TMEM114: variants seen among roughly 807,000 people sequenced by gnomAD.
The protein encoded by TMEM114 is transmembrane protein 114.
TMEM114 carries 6 observed loss-of-function variants against 6.2 expected under a neutral mutation model. The ratio of observed to expected loss-of-function variants is 0.97; its 90% confidence interval spans 0.53 to 1.91. The LOEUF (loss-of-function observed/expected upper bound fraction) is 1.91, where lower values mean the gene tolerates loss of function less well. TMEM114 is among the 40% of genes most tolerant of loss of function. The pLI is 0.01. For synonymous variants in TMEM114, 104 were observed against 73.0 expected, an observed-to-expected ratio of 1.42 and a Z score of -2.16; for missense variants, 218 against 158.3, an observed-to-expected ratio of 1.38 and a Z score of -2.02.
intron 2 of TMEM114, among the ~76,000 whole-genome samples, chr16:8,575,053 T>C (rs1901872531): frequency 6.6e-6 from 1 of 152,206 alleles, no homozygotes; most frequent in African/African-American, 2.4e-5. Flanking sequence ...CCCTTTGGAA[T>C]GTGGATATGA....
downstream of TMEM114, among the ~76,000 whole-genome samples, chr16:8,533,647 T>C (rs771847695): frequency 2.0e-5 from 3 of 152,222 alleles, no homozygotes; most frequent in Non-Finnish European, 2.9e-5. Flanking sequence ...GAAGTACCAA[T>C]TGAGTGTTAC....
intron 2 of TMEM114, among the ~76,000 whole-genome samples, chr16:8,563,798 TGAGGGAGG>T (rs1901391634): frequency 3.1e-5 from 4 of 127,052 alleles, no homozygotes; most frequent in South Asian, 2.4e-4. Flanking sequence ...AGTAAATGAG[TGAGGGAGG>T]GAGGGAATGA....
chr16:8,550,202 C>A (rs1358107443), intron 2 of TMEM114, among the ~76,000 whole-genome samples: 1 of 152,214 alleles, frequency 6.6e-6, no homozygotes, highest in Non-Finnish European at 1.5e-5. Flanking sequence ...TGTTTACCCA[C>A]GTTGTGGGTG....
Position 8,548,902 on chromosome 16 carries a change from G to A in TMEM114, n.213-11076C>T, listed in dbSNP as rs544606785. ...GCCTGGGTTAAGAATGCATGATCTCGCCAGGCGCAGTGGCTCATGCCTGTA... is the reference window on the plus strand; with the variant it reads ...GCCTGGGTTAAGAATGCATGATCTCACCAGGCGCAGTGGCTCATGCCTGTA... On this transcript the variant is annotated intron_variant and non_coding_transcript_variant, in intron 2 of 2. Transcript: ENST00000623677. Among the ~76,000 whole-genome samples, 24 of 152,036 alleles carry A rather than the reference G, an allele frequency of 1.6e-4. No homozygotes were observed. The South Asian group carries it at 2.3e-3, about 14-fold the overall frequency.
intron 2 of TMEM114, among the ~76,000 whole-genome samples, chr16:8,542,584 G>A (rs918635141): frequency 6.6e-6 from 1 of 152,140 alleles, no homozygotes; most frequent in Non-Finnish European, 1.5e-5. Context: ...CAAATTCCTT[G>A]GCTTTATAAC....
At chr16:8,530,060 C>T in the TMEM114 span, among the ~76,000 whole-genome samples, 2 of 152,308 alleles carry the variant, frequency 1.3e-5, no homozygotes, top group African/African-American at 4.8e-5. Flanking sequence ...ATTTCCTGGT[C>T]CCAGTTGCCT....
chr16:8,581,441 G>C (rs181719862), intron 2 of TMEM114, among the ~76,000 whole-genome samples: 14 of 152,110 alleles, frequency 9.2e-5, no homozygotes, highest in Non-Finnish European at 2.1e-4. Flanking sequence ...TCACATGGCC[G>C]ATACTAAGAA....
rs574513758 is a variant in TMEM114, at chr16:8,541,825, T to C, written n.213-3999A>G. On this transcript the variant is annotated intron_variant and non_coding_transcript_variant, in intron 2 of 2. Transcript: ENST00000623677. Reference sequence around the variant, plus strand: ...GGGTTCCACTTGGGAACTGGGAAGATTCTAGAATTCTGCAGGGCCCAAGAG... The same window carrying C: ...GGGTTCCACTTGGGAACTGGGAAGACTCTAGAATTCTGCAGGGCCCAAGAG... Among the ~76,000 whole-genome samples the C allele has an allele frequency of 5.3e-5, 8 of 152,262 alleles. No individual in the cohort carries two copies. In the East Asian group the frequency reaches 1.5e-3, roughly 29 times the overall value.
chr16:8,561,335 C>T (rs764342195), intron 2 of TMEM114, among the ~76,000 whole-genome samples: 1 of 152,222 alleles, frequency 6.6e-6, no homozygotes, highest in Non-Finnish European at 1.5e-5. Flanking sequence ...ACATTATTTT[C>T]ATCGTACAAC....
chr16:8,536,091 GAC>G (rs1900349556), downstream of TMEM114, among the ~76,000 whole-genome samples: 1 of 152,032 alleles, frequency 6.6e-6, no homozygotes, highest in Admixed American at 6.6e-5. Flanking sequence ...TGGGTGTGGT[GAC>G]GTGCACCTGT....
downstream of TMEM114, chr16:8,569,357 G>C: frequency 4.4e-6 from 3 of 683,972 alleles, no homozygotes; most frequent in Non-Finnish European, 5.5e-6. Flanking sequence ...TCCCCAGAGA[G>C]AGCTGAACGC....
intron 2 of TMEM114, among the ~76,000 whole-genome samples, chr16:8,544,871 A>C (rs1567195318): frequency 6.6e-6 from 1 of 152,094 alleles, no homozygotes. Flanking sequence ...AGATATAAAT[A>C]AAATATGAAT....
intron 2 of TMEM114, among the ~76,000 whole-genome samples, chr16:8,544,497 G>C (rs1436659217): frequency 6.6e-6 from 1 of 152,220 alleles, no homozygotes. Context: ...TGAATTTTAA[G>C]AACGTCAAGT....
At chr16:8,573,915 T>C (rs561299800) in intron 2 of TMEM114, among the ~76,000 whole-genome samples, 1 of 152,260 alleles carries the variant, frequency 6.6e-6, no homozygotes, top group Admixed American at 6.6e-5. Flanking sequence ...CTGTGCACAA[T>C]TGTATCCCTG....
intron 2 of TMEM114, among the ~76,000 whole-genome samples, chr16:8,564,383 G>C (rs1399072523): frequency 1.3e-5 from 2 of 148,602 alleles, no homozygotes; most frequent in South Asian, 2.2e-4. Flanking sequence ...GTGAATGAGT[G>C]AGGGAATGAG....
chr16:8,555,645 T>C (rs79295853), intron 2 of TMEM114, among the ~76,000 whole-genome samples: 2,080 of 152,286 alleles, frequency 0.014, 45 homozygotes, highest in African/African-American at 0.048. Flanking sequence ...TATCTCACTA[T>C]TGTTTTCACG....
chr16:8,555,712 C>T (rs183657160), intron 2 of TMEM114, among the ~76,000 whole-genome samples: 1 of 152,286 alleles, frequency 6.6e-6, no homozygotes, highest in Admixed American at 6.5e-5. Context: ...ATCGTGTCTT[C>T]CAGGGGACAC....
chr16:8,533,483 C>T (rs1900273360), downstream of TMEM114, among the ~76,000 whole-genome samples: 2 of 152,128 alleles, frequency 1.3e-5, no homozygotes, highest in South Asian at 4.1e-4. Flanking sequence ...CATGTCGGAG[C>T]CTTTGATACA....
intron 2 of TMEM114, among the ~76,000 whole-genome samples, chr16:8,584,661 C>G (rs1226020658): frequency 6.6e-6 from 1 of 152,004 alleles, no homozygotes; most frequent in African/African-American, 2.4e-5. Context: ...AATGGCCCAC[C>G]CTGTAATCCC....
Sources: allele counts gnomAD v4.1 joint callset (sites outside exome capture counted in the v4.1 genomes callset), GRCh38; gene constraint gnomAD v4.1.1; transcripts MANE v1.5; gene names NCBI Gene and HGNC (gene_info 2026-07-23, HGNC 2026-07-21).